Variants in FYB2 observed in about 807,000 individuals in gnomAD.
FYB2 encodes the protein FYN binding protein 2.
Under a neutral mutation model 94.1 loss-of-function variants are expected in FYB2, and 103 were observed. The ratio of observed to expected loss-of-function variants is 1.09; its 90% CI spans 0.93 to 1.29. The LOEUF (loss-of-function observed/expected upper bound fraction) is 1.29. FYB2 is among the 50% of genes most tolerant of loss of function. FYB2 has a pLI of 0.00. For synonymous variants in FYB2, 293 were observed against 287.9 expected (o/e 1.02, Z -0.18); for missense variants, 896 against 841.5 (o/e 1.06, Z -0.80).
chr1:56,725,299 G>A (rs1644562689), intron 16 of FYB2, among the ~76,000 whole-genome samples: 1 of 151,988 alleles, frequency 6.6e-6, no homozygotes, highest in Admixed American at 6.6e-5. Context: ...TAAAAGGGTT[G>A]AACTAATACT....
intron 6 of FYB2, among the ~76,000 whole-genome samples, chr1:56,758,374 G>A (rs1388873627): frequency 6.6e-6 from 1 of 151,964 alleles, no homozygotes; most frequent in Non-Finnish European, 1.5e-5. Context: ...CAGAAAGCAT[G>A]CCCTAAGGGG....
chr1:56,755,738 G>A (rs539088279), intron 7 of FYB2, among the ~76,000 whole-genome samples, 158 bp downstream of exon 7: 12 of 152,064 alleles, frequency 7.9e-5, no homozygotes, highest in Non-Finnish European at 1.5e-4. Flanking sequence ...CAGGATCATG[G>A]ATCACTTCCT....
intron 4 of FYB2, among the ~76,000 whole-genome samples, chr1:56,779,996 T>C (rs191017198): frequency 4.6e-4 from 70 of 152,282 alleles, no homozygotes; most frequent in Middle Eastern, 3.4e-3. Context: ...AATATACTAA[T>C]ACTAATAATA....
chr1:56,769,032 T>G (rs1042806760), intron 4 of FYB2, among the ~76,000 whole-genome samples: 23 of 151,972 alleles, frequency 1.5e-4, no homozygotes, highest in African/African-American at 4.6e-4. Flanking sequence ...ATTATTATCA[T>G]TAGTATTATT....
At position 56,789,058 on chromosome 1, in the gene FYB2, A is replaced by C; in HGVS notation, c.834T>G (p.Pro278=). 6.2e-7 allele frequency: 1 copy of C among 1,613,786 alleles called. No homozygotes were observed. The highest frequency in any genetic ancestry group is 1.7e-5 in the Admixed American group (1 of 59,998). ...PLPSIDSLGP[P]PPKPSRPPIV... ...TGGGAGGTCTTGAAGGCTTTGGGGG[A>C]GGAGGACCCAGGGAGTCGATGGAGG... The change falls in exon 3 of 20, where the codon CCT becomes CCG. Residue 278 remains proline (P), a synonymous_variant. Coordinates refer to ENST00000343433, the MANE Select transcript of FYB2 (RefSeq NM_001004303.5).
In FYB2 at chr1:56,724,309, AAAAT is replaced by A. The variant is rs144095508; in HGVS notation, c.1881-632_1881-629del. Among the ~76,000 whole-genome samples, 60 of 152,210 alleles carry A rather than the reference AAAAT, an allele frequency of 3.9e-4. No individual in the cohort carries two copies. In the East Asian group the frequency reaches 6.2e-3, roughly 16 times the overall value. On this transcript the variant is annotated intron_variant, in intron 16 of 19. Coordinates refer to ENST00000343433, the MANE Select transcript of FYB2 (RefSeq NM_001004303.5). ...AAACGTGTGAGAATTTCAGCACTTA[AAAAT>A]AAATAACCCTACAGAAGAAGCTGAT...
At chr1:56,755,619 T>C (rs914794706) in intron 7 of FYB2, among the ~76,000 whole-genome samples, 1 of 152,130 alleles carries the variant, frequency 6.6e-6, no homozygotes, top group Admixed American at 6.5e-5. Context: ...GAGGTCTCCA[T>C]CACTGCCAAA....
intron 1 of FYB2, among the ~76,000 whole-genome samples, chr1:56,794,334 T>A (rs1400061386): frequency 6.6e-6 from 1 of 152,228 alleles, no homozygotes; most frequent in Non-Finnish European, 1.5e-5. Flanking sequence ...CATTAGATTT[T>A]GTAAATGTGT....
intron 16 of FYB2, among the ~76,000 whole-genome samples, chr1:56,724,288 G>T (rs1275254212): frequency 1.3e-5 from 2 of 152,020 alleles, no homozygotes; most frequent in Non-Finnish European, 2.9e-5. Context: ...GCCACAAAAC[G>T]TGTGAGAATT....
chr1:56,780,119 C>A (rs1449641844), intron 4 of FYB2, among the ~76,000 whole-genome samples: 2 of 152,148 alleles, frequency 1.3e-5, no homozygotes, highest in African/African-American at 2.4e-5. Context: ...TGGTCATACA[C>A]AAACAGTAGT....
intron 1 of FYB2, among the ~76,000 whole-genome samples, chr1:56,815,384 C>T (rs1019694567): frequency 6.6e-6 from 1 of 152,180 alleles, no homozygotes. Context: ...TGCCTTCCTC[C>T]ATCAATCTAC....
chr1:56,744,323 T>C, intron 9 of FYB2, 57 bp from the exon 10 acceptor site: 2 of 1,268,008 alleles, frequency 1.6e-6, no homozygotes, highest in Admixed American at 1.7e-5. Context: ...CATAAAGTCA[T>C]TCACACACAT....
chr1:56,756,238 A>G (rs762969625), intron 6 of FYB2, among the ~76,000 whole-genome samples: 3 of 152,184 alleles, frequency 2.0e-5, no homozygotes, highest in Non-Finnish European at 4.4e-5. Flanking sequence ...TCTAAATCCT[A>G]TGAGAAAATA....
chr1:56,747,631 C>T (rs185550950), intron 9 of FYB2, among the ~76,000 whole-genome samples: 43 of 152,124 alleles, frequency 2.8e-4, no homozygotes, highest in African/African-American at 1.0e-3. Context: ...TATATATGTG[C>T]CACATTTTCT....
Position 56,718,916 on chromosome 1 carries a change from T to C in FYB2, c.*755A>G. ...AATTCCATATAAATGAAAGTACATA[T>C]GAATGCTATTATTTGAATAGTTATT... On this transcript the variant is annotated 3_prime_UTR_variant, in exon 20 of 20. Coordinates refer to ENST00000343433, the MANE Select transcript of FYB2 (RefSeq NM_001004303.5). The C allele has an allele frequency of 6.6e-6, 1 of 152,624 alleles. No homozygotes were observed. Among genetic ancestry groups the C allele is most frequent in the East Asian group, 1.9e-4 (1 of 5,198 alleles). The allele number at this position is 152,624 out of a possible 1,614,324, so 9.5% of individuals were successfully genotyped here. A position where few individuals can be genotyped will look rare whatever the true frequency, so the allele number is the denominator to read the frequency against.
At chr1:56,729,556 C>A (rs1307284965) in intron 15 of FYB2, among the ~76,000 whole-genome samples, 2 of 152,028 alleles carry the variant, frequency 1.3e-5, no homozygotes, top group South Asian at 2.1e-4. Context: ...GAGAGATACA[C>A]CTCAATACAA....
chr1:56,796,112 A>G (rs1646391391), intron 1 of FYB2, among the ~76,000 whole-genome samples: 1 of 152,242 alleles, frequency 6.6e-6, no homozygotes, highest in Non-Finnish European at 1.5e-5. Flanking sequence ...TCAGAGCTAC[A>G]GTAGAAAAGT....
intron 9 of FYB2, among the ~76,000 whole-genome samples, chr1:56,749,961 C>T (rs2100677608): frequency 6.6e-6 from 1 of 152,098 alleles, no homozygotes. Context: ...TCAAGAGAGT[C>T]ATTCATATTG....
the FYB2 span, among the ~76,000 whole-genome samples, chr1:56,825,916 C>T: frequency 2.0e-5 from 3 of 152,202 alleles, no homozygotes; most frequent in African/African-American, 7.2e-5. Context: ...CTCCAAGCAG[C>T]ATCAAGCTCA....
Sources: allele counts gnomAD v4.1 joint callset (sites outside exome capture counted in the v4.1 genomes callset), GRCh38; gene constraint gnomAD v4.1.1; transcripts MANE v1.5; gene names NCBI Gene and HGNC (gene_info 2026-07-23, HGNC 2026-07-21).